Variants in SEMA4D observed in about 807,000 individuals in gnomAD.
The protein encoded by SEMA4D is semaphorin-4D.
Under a neutral mutation model 74.8 loss-of-function variants are expected in SEMA4D, and 22 were observed. The observed-to-expected ratio is 0.29, with a 90% CI of 0.21 to 0.42. The LOEUF is 0.42. SEMA4D is among the 10% of genes least tolerant of loss of function. The pLI is 1.00. For missense variants in SEMA4D, 937 were observed against 1,118.4 expected, an observed-to-expected ratio of 0.84 and a Z score of 2.31; for synonymous variants, 445 against 463.7, an observed-to-expected ratio of 0.96 and a Z score of 0.52.
chr9:89,387,336 G>T, intron 12 of SEMA4D, 50 bp downstream of exon 12: 3 of 1,452,772 alleles, frequency 2.1e-6, no homozygotes, highest in Non-Finnish European at 2.9e-6. Flanking sequence ...TCCTACCAGA[G>T]GACACAGATG....
Position 89,405,331 on chromosome 9 carries a change from C to G in SEMA4D, c.106+20G>C. 6.2e-7 allele frequency: 1 copy of G among 1,607,572 alleles called. No homozygotes were observed. The highest frequency in any genetic ancestry group is 8.5e-7 in the Non-Finnish European group (1 of 1,174,100). On this transcript the variant is annotated intron_variant, in intron 3 of 15. Transcript: ENST00000422704. ...TCCCCATCCCAGGCCATCAGCACCC[C>G]TGCAGGTTTCGTCACTCACCTCTGT... is the stretch of plus-strand genomic sequence containing the variant.
At position 89,378,417 on chromosome 9, in the gene SEMA4D, A is replaced by G; in HGVS notation, c.*287T>C. 1 of 344,260 alleles carries G rather than the reference A, an allele frequency of 2.9e-6. No individual in the cohort carries two copies. The highest frequency in any genetic ancestry group is 5.4e-5 in the East Asian group (1 of 18,390). The allele number at this position is 344,260 out of a possible 1,614,324, so 21.3% of individuals were successfully genotyped here. A position where few individuals can be genotyped will look rare whatever the true frequency, so the allele number is the denominator to read the frequency against. On this transcript the variant is annotated 3_prime_UTR_variant, in exon 16 of 16. Coordinates refer to ENST00000422704, the MANE Select transcript of SEMA4D (RefSeq NM_001371194.2). ...CAGCCACCTTTCCCCCACTACAGAA[A>G]GGGCTCAGGAACTCCGTGCCGCCCG...
rs151106377 is a variant in SEMA4D at position 89,422,572 on chromosome 9, G to A, written c.-243-16873C>T. ...TGTGTCCCTGCCCCGAGCACCATGCGTGCGCATCCCCGTGCCGTTTATTAC... is the reference window on the plus strand; with the variant it reads ...TGTGTCCCTGCCCCGAGCACCATGCATGCGCATCCCCGTGCCGTTTATTAC... On this transcript the variant is annotated intron_variant, in intron 2 of 15. Transcript: ENST00000422704. Among the ~76,000 whole-genome samples, 383 of 152,364 alleles carry A rather than the reference G, an allele frequency of 2.5e-3. 2 individuals are homozygous for A. Among genetic ancestry groups the A allele is most frequent in the African/African-American group, 8.2e-3 (341 of 41,586 alleles).
intron 1 of SEMA4D, among the ~76,000 whole-genome samples, chr9:89,488,389 A>AGTC (rs1326960654): frequency 8.8e-6 from 1 of 113,282 alleles, no homozygotes; most frequent in East Asian, 2.4e-4. Context: ...TTGAGAACAG[A>AGTC]GTCTCACTCT....
At chr9:89,409,667 C>T (rs1270872747) in intron 2 of SEMA4D, among the ~76,000 whole-genome samples, 7 of 152,090 alleles carry the variant, frequency 4.6e-5, no homozygotes, top group African/African-American at 1.4e-4. Flanking sequence ...GGCCTGGACA[C>T]ATTAAGGAAG....
chr9:89,399,316 T>C lies in SEMA4D; in HGVS notation c.275A>G (p.Asp92Gly). The C allele has an allele frequency of 1.2e-6, 2 of 1,613,682 alleles. No homozygotes were observed. Among genetic ancestry groups the C allele is most frequent in the Non-Finnish European group, 1.7e-6 (2 of 1,179,526 alleles). The change falls in exon 5 of 16, where the codon GAC becomes GGC. Residue 92 changes from aspartate to glycine, a missense_variant. Asp to Gly is a moderately conservative substitution (Grantham distance 94). Transcript: ENST00000422704. ...CTTTTCTGCACATTTTGCTTTTTTG[T>C]CTTCTGAGACCTTCCAATACACCTG... ...QHEVYWKVSE[D>G]KKAKCAEKGK...
chr9:89,491,043 G>C (rs1270236987), intron 1 of SEMA4D, among the ~76,000 whole-genome samples: 1 of 144,898 alleles, frequency 6.9e-6, no homozygotes, highest in Non-Finnish European at 1.5e-5. Flanking sequence ...ATCTACATGT[G>C]TCAAAACTCA....
intron 6 of SEMA4D, among the ~76,000 whole-genome samples, chr9:89,394,389 CT>C (rs1345225493): frequency 1.3e-5 from 2 of 152,204 alleles, no homozygotes; most frequent in African/African-American, 4.8e-5. Flanking sequence ...GTCTCCATCC[CT>C]GAACATGTGA....
intron 16 of SEMA4D, among the ~76,000 whole-genome samples, chr9:89,371,324 TTGGTGTGTGTCTGGAGTG>T (rs1202867836): frequency 1.5e-4 from 10 of 67,064 alleles, no homozygotes; most frequent in Non-Finnish European, 9.0e-5. Flanking sequence ...GTGTGTGGGG[TTGGTGTGTGTCTGGAGTG>T]TGGTGTGTGT....
At position 89,466,454 on chromosome 9, in the gene SEMA4D, C is replaced by T. The variant is rs374909851; in HGVS notation, c.-309-10501G>A. 4.6e-5 allele frequency among the ~76,000 whole-genome samples: 7 copies of T among 152,268 alleles called. No homozygotes were observed. The South Asian group carries it at 6.2e-4, about 14-fold the overall frequency. On this transcript the variant is annotated intron_variant, in intron 1 of 15. Transcript: ENST00000422704. ...ATCCACACCTACAACACCTGGGACA[C>T]GCTAACACTCACAGGCCAGGTGAAC...
chr9:89,362,021 C>T (rs144673712), exon 19 of SEMA4D: 612 of 358,748 alleles, frequency 1.7e-3, no homozygotes, highest in African/African-American at 9.1e-3. Flanking sequence ...GTCACTGGGA[C>T]GGTGTAGGAT....
intron 1 of SEMA4D, among the ~76,000 whole-genome samples, chr9:89,458,060 A>T (rs1363462532): frequency 2.6e-5 from 4 of 152,108 alleles, no homozygotes; most frequent in African/African-American, 9.7e-5. Flanking sequence ...ACAACAAAAA[A>T]CAAACCCTGA....
chr9:89,482,408 A>G (rs1824792014), intron 1 of SEMA4D, among the ~76,000 whole-genome samples: 1 of 152,222 alleles, frequency 6.6e-6, no homozygotes. Context: ...TTACACAGGC[A>G]TCAGCAACAG....
intron 1 of SEMA4D, among the ~76,000 whole-genome samples, chr9:89,480,177 T>C (rs933184634): frequency 1.3e-5 from 2 of 151,998 alleles, no homozygotes; most frequent in African/African-American, 4.8e-5. Context: ...TTACAATCCC[T>C]GAGCTAGATA....
chr9:89,413,628 TGTG>T (rs1225065288), intron 2 of SEMA4D, among the ~76,000 whole-genome samples: 1 of 152,268 alleles, frequency 6.6e-6, no homozygotes, highest in Admixed American at 6.5e-5. Flanking sequence ...TGTATGTCTG[TGTG>T]CATACATATG....
intron 2 of SEMA4D, among the ~76,000 whole-genome samples, chr9:89,439,960 C>G (rs1851326094): frequency 1.3e-5 from 2 of 152,248 alleles, no homozygotes; most frequent in Admixed American, 1.3e-4. Context: ...CATTGGCACA[C>G]TGCCCCTCAA....
At chr9:89,402,348 G>A (rs1486502033) in intron 4 of SEMA4D, among the ~76,000 whole-genome samples, 1 of 152,210 alleles carries the variant, frequency 6.6e-6, no homozygotes, top group East Asian at 1.9e-4. Context: ...GATTGGGACA[G>A]CGTGGTTGCA....
At chr9:89,442,197 CAGGTCA>C (rs1269543418) in intron 2 of SEMA4D, among the ~76,000 whole-genome samples, 1 of 142,542 alleles carries the variant, frequency 7.0e-6, no homozygotes, top group Non-Finnish European at 1.5e-5. Flanking sequence ...CCGTACGGCC[CAGGTCA>C]AGGTCACTGG....
chr9:89,403,042 A>C, intron 3 of SEMA4D, 26 bp from the exon 4 acceptor site: 2 of 1,593,156 alleles, frequency 1.3e-6, no homozygotes, highest in Non-Finnish European at 1.7e-6. Context: ...GCAGGGTCAG[A>C]GTGGGAGGAA....
Sources: allele counts gnomAD v4.1 joint callset (sites outside exome capture counted in the v4.1 genomes callset), GRCh38; gene constraint gnomAD v4.1.1; transcripts MANE v1.5; gene names NCBI Gene and HGNC (gene_info 2026-07-23, HGNC 2026-07-21).